GPR137C: variants seen among roughly 807,000 people sequenced by gnomAD.
GPR137C encodes G protein-coupled receptor 137C, also known as integral membrane protein GPR137C.
GPR137C carries 27 observed loss-of-function variants against 43.4 expected under a neutral mutation model. The ratio of observed to expected loss-of-function variants is 0.62; its 90% confidence interval spans 0.46 to 0.86. GPR137C has a LOEUF of 0.86. Ranked by LOEUF, GPR137C falls within the 40% of genes least tolerant of loss-of-function variation. The probability of loss-of-function intolerance (pLI) is 0.00; values close to 1 mark genes in which losing one functional copy is unlikely to be tolerated. For missense variants in GPR137C, 522 were observed against 534.6 expected (o/e 0.98, Z 0.23); for synonymous variants, 285 against 226.9 (o/e 1.26, Z -2.30).
intron 3 of GPR137C, among the ~76,000 whole-genome samples, chr14:52,601,416 G>A (rs2038922267): frequency 6.6e-6 from 1 of 151,776 alleles, no homozygotes; most frequent in South Asian, 2.1e-4. Context: ...TCCTTTAAAT[G>A]TAGGCAGAGA....
intron 3 of GPR137C, 35 bp downstream of exon 3, chr14:52,600,376 T>G (rs954126237): frequency 1.9e-5 from 21 of 1,121,688 alleles, no homozygotes; most frequent in Non-Finnish European, 2.8e-5. Context: ...CTTGAAAATC[T>G]AATTTCAAAT....
intron 1 of GPR137C, among the ~76,000 whole-genome samples, chr14:52,562,879 G>C (rs1002486927): frequency 6.6e-6 from 1 of 152,100 alleles, no homozygotes; most frequent in African/African-American, 2.4e-5. Context: ...CTTAAGAGTA[G>C]TAAAATAGAA....
rs1040548556 is a variant in GPR137C, at chr14:52,575,904, A to T, written c.444+22313A>T. ...AGACTTCAGGGACAACCTCCCAGTT[A>T]TCTTCTCCTAGTGGAGTCTTACAGA... On this transcript the variant is annotated intron_variant, in intron 1 of 6. Coordinates refer to ENST00000321662, the MANE Select transcript of GPR137C (RefSeq NM_001099652.2). Among the ~76,000 whole-genome samples the T allele has an allele frequency of 3.3e-5, 5 of 152,214 alleles. No individual in the cohort carries two copies. The East Asian group carries it at 9.6e-4, about 29-fold the overall frequency.
intron 1 of GPR137C, among the ~76,000 whole-genome samples, chr14:52,595,114 ATTCTT>A (rs1343231003): frequency 6.6e-6 from 1 of 152,148 alleles, no homozygotes; most frequent in Non-Finnish European, 1.5e-5. Context: ...TGGGTTGAAA[ATTCTT>A]TTCTTTAAGA....
chr14:52,557,321 T>C (rs1160635944), intron 1 of GPR137C, among the ~76,000 whole-genome samples: 1 of 152,220 alleles, frequency 6.6e-6, no homozygotes, highest in Non-Finnish European at 1.5e-5. Context: ...AATTATGTAT[T>C]GTCTGGAATC....
rs1348219311 is a variant in GPR137C at position 52,623,734 on chromosome 14, C to T, written c.718-8426C>T. ...CACTCAGTTCATTTGACGTAGATTCCTCTCTTCATTGAGTCAGAGAACTGT... is the reference window on the plus strand; with the variant it reads ...CACTCAGTTCATTTGACGTAGATTCTTCTCTTCATTGAGTCAGAGAACTGT... On this transcript the variant is annotated intron_variant, in intron 3 of 6. Transcript: ENST00000321662. Among the ~76,000 whole-genome samples, 8 of 152,080 alleles carry T rather than the reference C, an allele frequency of 5.3e-5. No homozygotes were observed. The East Asian group carries it at 1.2e-3, about 22-fold the overall frequency.
rs369713179 is a variant in GPR137C at position 52,577,516 on chromosome 14, G to GCGCACACACACACACACACACACA, written c.445-20755_445-20754insGCACACACACACACACACACACAC. On this transcript the variant is annotated intron_variant, in intron 1 of 6. Transcript: ENST00000321662. ...CAAACATGCACGCGTGCGCGCGCGC[G>GCGCACACACACACACACACACACA]CACACACACACACACACACACACAC... 7.6e-5 allele frequency among the ~76,000 whole-genome samples: 11 copies of GCGCACACACACACACACACACACA among 145,504 alleles called. No homozygotes were observed. The South Asian group carries it at 8.9e-4, about 12-fold the overall frequency.
chr14:52,604,598 A>G (rs559490438), intron 3 of GPR137C, among the ~76,000 whole-genome samples: 102 of 152,192 alleles, frequency 6.7e-4, no homozygotes, highest in African/African-American at 2.3e-3. Context: ...GGTGCTCACC[A>G]CCACGCCTGG....
In GPR137C at chr14:52,615,157, C is replaced by G. The variant is rs558371888; in HGVS notation, c.717+14816C>G. On this transcript the variant is annotated intron_variant, in intron 3 of 6. Coordinates refer to ENST00000321662, the MANE Select transcript of GPR137C (RefSeq NM_001099652.2). Reference sequence around the variant, plus strand: ...GTAGCAAGAGATAAGGGTACAGTTTCATTCTTCTGCATATGTATATCCAGT... The same window carrying G: ...GTAGCAAGAGATAAGGGTACAGTTTGATTCTTCTGCATATGTATATCCAGT... Among the ~76,000 whole-genome samples the G allele has an allele frequency of 6.1e-4, 93 of 152,300 alleles. 2 individuals carry two copies. Among genetic ancestry groups the G allele is most frequent in the Admixed American group, 6.1e-3 (93 of 15,302 alleles).
At chr14:52,608,930 G>T (rs1566620047) in intron 3 of GPR137C, among the ~76,000 whole-genome samples, 1 of 152,014 alleles carries the variant, frequency 6.6e-6, no homozygotes, top group Non-Finnish European at 1.5e-5. Flanking sequence ...ACTCTGATTG[G>T]TGACCTTTGA....
chr14:52,634,899 T>TC lies in GPR137C; in HGVS notation c.1113-38dup. ...TCAAATGTGACTTCTTATATCCTGA[T>TC]CATAGTCCTATGGTCTTTTTGCCTT... is the stretch of plus-strand genomic sequence containing the variant. On this transcript the variant is annotated intron_variant, in intron 6 of 6. Transcript: ENST00000321662. 3 of 1,590,872 alleles carry TC rather than the reference T, an allele frequency of 1.9e-6. No homozygotes were observed. In the South Asian group the frequency reaches 3.4e-5, roughly 18 times the overall value.
intron 1 of GPR137C, among the ~76,000 whole-genome samples, chr14:52,587,326 A>C (rs2038726170): frequency 6.6e-6 from 1 of 152,230 alleles, no homozygotes; most frequent in Non-Finnish European, 1.5e-5. Context: ...CACTTAACCT[A>C]ACAATATAAA....
At chr14:52,567,884 T>C (rs2038397554) in intron 1 of GPR137C, among the ~76,000 whole-genome samples, 1 of 152,112 alleles carries the variant, frequency 6.6e-6, no homozygotes, top group African/African-American at 2.4e-5. Context: ...GGTCTCGAAC[T>C]TCTGACCTCG....
intron 1 of GPR137C, among the ~76,000 whole-genome samples, chr14:52,558,992 G>A (rs1199703505): frequency 6.6e-6 from 1 of 152,174 alleles, no homozygotes; most frequent in East Asian, 1.9e-4. Flanking sequence ...GAAAATAAGA[G>A]TTTACGCAAA....
intron 1 of GPR137C, among the ~76,000 whole-genome samples, chr14:52,561,312 C>T (rs1594779260): frequency 1.3e-5 from 2 of 152,256 alleles, no homozygotes; most frequent in South Asian, 4.1e-4. Flanking sequence ...GTCATAAAAT[C>T]TAGCTGTTAC....
chr14:52,577,945 A>G (rs1319710948), intron 1 of GPR137C, among the ~76,000 whole-genome samples: 1 of 152,176 alleles, frequency 6.6e-6, no homozygotes, highest in Non-Finnish European at 1.5e-5. Context: ...AGCCTGGGTA[A>G]CAGAATGAGA....
intron 1 of GPR137C, among the ~76,000 whole-genome samples, chr14:52,567,291 T>A (rs547674909): frequency 2.0e-5 from 3 of 152,144 alleles, no homozygotes; most frequent in Admixed American, 2.0e-4. Context: ...ATACTTTAAA[T>A]AGCAGAACAT....
At chr14:52,564,995 T>A (rs2038344933) in intron 1 of GPR137C, among the ~76,000 whole-genome samples, 1 of 152,184 alleles carries the variant, frequency 6.6e-6, no homozygotes, top group African/African-American at 2.4e-5. Context: ...GGGACCTGAA[T>A]GCTACAACCT....
chr14:52,581,431 G>C (rs1291690930), intron 1 of GPR137C, among the ~76,000 whole-genome samples: 10 of 151,182 alleles, frequency 6.6e-5, no homozygotes, highest in Admixed American at 6.6e-4. Flanking sequence ...AGCTACTCAG[G>C]AGGCTGAGGC....
Sources: gnomAD v4.1 joint callset for allele counts (sites outside exome capture counted in the v4.1 genomes callset) on GRCh38, gnomAD v4.1.1 for gene constraint, MANE v1.5 for transcripts, NCBI Gene and HGNC (gene_info 2026-07-23, HGNC 2026-07-21) for gene names.